Variants in PLPP1 observed in about 807,000 individuals in gnomAD.
PLPP1 encodes lipid phosphate phosphohydrolase 1a.
In PLPP1, 24 loss-of-function variants were observed where a neutral mutation model predicts 31.2. That is an observed-to-expected ratio of 0.77 (90% CI 0.56 to 1.08). The LOEUF (loss-of-function observed/expected upper bound fraction) is 1.08. PLPP1 is among the 50% of genes least tolerant of loss of function. The pLI, the probability that PLPP1 is intolerant of heterozygous loss-of-function variation, is 0.00. For synonymous variants in PLPP1, 146 were observed against 126.3 expected (o/e 1.16, Z -1.05); for missense variants, 319 against 342.7 (o/e 0.93, Z 0.55).
intron 1 of PLPP1, among the ~76,000 whole-genome samples, chr5:55,502,481 C>T (rs1474085401): frequency 6.8e-6 from 1 of 146,834 alleles, no homozygotes; most frequent in African/African-American, 2.5e-5. Flanking sequence ...AGTGAGACTC[C>T]GTCTCAAAAA....
At chr5:55,499,192 A>G (rs1482726014) in intron 1 of PLPP1, among the ~76,000 whole-genome samples, 1 of 152,206 alleles carries the variant, frequency 6.6e-6, no homozygotes, top group Non-Finnish European at 1.5e-5. Context: ...TAGAACCACT[A>G]GAAACTCTCA....
chr5:55,503,162 T>C (rs1359330204), intron 1 of PLPP1, among the ~76,000 whole-genome samples: 1 of 152,230 alleles, frequency 6.6e-6, no homozygotes, highest in East Asian at 1.9e-4. Flanking sequence ...GAACTGTTCC[T>C]ACCCTCAGGT....
intron 1 of PLPP1, among the ~76,000 whole-genome samples, chr5:55,512,952 T>C (rs946169279): frequency 1.3e-5 from 2 of 152,220 alleles, no homozygotes; most frequent in Admixed American, 6.5e-5. Context: ...AGGTTCCCCT[T>C]TGAAGTATAG....
chr5:55,454,413 T>C (rs1751961398), intron 3 of PLPP1, among the ~76,000 whole-genome samples: 2 of 152,190 alleles, frequency 1.3e-5, no homozygotes, highest in Admixed American at 6.5e-5. Flanking sequence ...GTCTGCTCAA[T>C]AGAGAATGAC....
chr5:55,487,517 G>C (rs1459432941), intron 1 of PLPP1, among the ~76,000 whole-genome samples: 1 of 150,934 alleles, frequency 6.6e-6, no homozygotes, highest in Non-Finnish European at 1.5e-5. Context: ...AGCTAAAGAA[G>C]AAACAGTAAA....
chr5:55,517,809 C>T (rs1222713636), intron 1 of PLPP1, among the ~76,000 whole-genome samples: 1 of 152,174 alleles, frequency 6.6e-6, no homozygotes, highest in Non-Finnish European at 1.5e-5. Flanking sequence ...CAGAAGTGCT[C>T]CTGAAAGGCA....
intron 3 of PLPP1, among the ~76,000 whole-genome samples, chr5:55,452,210 G>A (rs571195741): frequency 1.3e-5 from 2 of 152,124 alleles, no homozygotes; most frequent in South Asian, 2.1e-4. Context: ...GGGGCCTAGC[G>A]GGAGGTATTG....
At chr5:55,450,490 A>G (rs910854832) in intron 3 of PLPP1, among the ~76,000 whole-genome samples, 50 of 152,328 alleles carry the variant, frequency 3.3e-4, no homozygotes, top group Admixed American at 2.7e-3. Flanking sequence ...AGAACTCGGT[A>G]TATCTTGAAA....
chr5:55,438,877 G>A (rs1208180657), intron 4 of PLPP1, among the ~76,000 whole-genome samples: 1 of 151,756 alleles, frequency 6.6e-6, no homozygotes, highest in African/African-American at 2.4e-5. Flanking sequence ...CTCCAGCCTG[G>A]GTGAGAGAGC....
At chr5:55,486,749 C>T (rs1184437992) in intron 1 of PLPP1, among the ~76,000 whole-genome samples, 2 of 151,942 alleles carry the variant, frequency 1.3e-5, no homozygotes, top group African/African-American at 4.8e-5. Flanking sequence ...CCCATCTCTA[C>T]TAAAAATACA....
At chr5:55,481,053 C>G (rs1363362983) in intron 1 of PLPP1, among the ~76,000 whole-genome samples, 1 of 152,178 alleles carries the variant, frequency 6.6e-6, no homozygotes, top group African/African-American at 2.4e-5. Flanking sequence ...TGGTAACTTA[C>G]TGCTTCCACA....
intron 4 of PLPP1, among the ~76,000 whole-genome samples, chr5:55,440,637 T>C (rs990217686): frequency 1.1e-4 from 16 of 152,214 alleles, no homozygotes; most frequent in Non-Finnish European, 1.8e-4. Context: ...GATGAAAGCT[T>C]TGAAAATTAG....
intron 3 of PLPP1, among the ~76,000 whole-genome samples, chr5:55,454,181 A>G (rs1049036061): frequency 6.6e-6 from 1 of 152,144 alleles, no homozygotes; most frequent in African/African-American, 2.4e-5. Context: ...GAAGCAAAAC[A>G]TTGCTTCTGA....
At chr5:55,432,115 T>C (rs1259415929) in intron 4 of PLPP1, among the ~76,000 whole-genome samples, 6 of 112,008 alleles carry the variant, frequency 5.4e-5, no homozygotes, top group Admixed American at 3.9e-4. Flanking sequence ...TTTTTTTTTT[T>C]TTTTTTTTGG....
intron 3 of PLPP1, among the ~76,000 whole-genome samples, chr5:55,443,165 G>C (rs1382883700): frequency 1.5e-5 from 1 of 64,772 alleles, no homozygotes; most frequent in African/African-American, 6.0e-5. Flanking sequence ...GGGTGGGAAA[G>C]AAAGGATTAC....
chr5:55,521,804 GA>G (rs571097321), intron 1 of PLPP1, among the ~76,000 whole-genome samples: 104 of 152,292 alleles, frequency 6.8e-4, no homozygotes, highest in African/African-American at 2.4e-3. Flanking sequence ...GGCATAAAAT[GA>G]GGCTAATACT....
At chr5:55,525,921 C>T (rs963702601) in intron 1 of PLPP1, among the ~76,000 whole-genome samples, 1 of 151,576 alleles carries the variant, frequency 6.6e-6, no homozygotes, top group African/African-American at 2.4e-5. Flanking sequence ...GCTGATTGTA[C>T]AGACTGTATG....
intron 1 of PLPP1, among the ~76,000 whole-genome samples, chr5:55,524,337 C>A (rs1753735577): frequency 6.6e-6 from 1 of 152,120 alleles, no homozygotes; most frequent in African/African-American, 2.4e-5. Flanking sequence ...ATATTCAAAG[C>A]CATCCTGGGT....
At position 55,425,196 on chromosome 5, in the gene PLPP1, C is replaced by T. The variant is rs1226949116; in HGVS notation, c.*10G>A. ...AACAGGCCAGCTTCACCTGGGCACCCTGCTGCCTTTCAAGGCTGGTGATTG... is the reference window on the plus strand; with the variant it reads ...AACAGGCCAGCTTCACCTGGGCACCTTGCTGCCTTTCAAGGCTGGTGATTG... On this transcript the variant is annotated 3_prime_UTR_variant, in exon 6 of 6. Coordinates refer to ENST00000307259, the MANE Select transcript of PLPP1 (RefSeq NM_003711.4). The T allele has an allele frequency of 6.2e-6, 10 of 1,611,598 alleles. No homozygotes were observed. The highest frequency in any genetic ancestry group is 8.5e-6 in the Non-Finnish European group (10 of 1,179,372).
Sources: gnomAD v4.1 joint callset for allele counts (sites outside exome capture counted in the v4.1 genomes callset) on GRCh38, gnomAD v4.1.1 for gene constraint, MANE v1.5 for transcripts, NCBI Gene and HGNC (gene_info 2026-07-23, HGNC 2026-07-21) for gene names.